RDX: variants seen among roughly 807,000 people sequenced by gnomAD.
RDX encodes the protein deafness, autosomal recessive 24.
In RDX, 32 loss-of-function variants were observed where a neutral mutation model predicts 83.7. That is an observed-to-expected ratio of 0.38 (90% CI 0.29 to 0.51). RDX has a LOEUF of 0.51. RDX is among the 20% of genes least tolerant of loss of function. The pLI, the probability that RDX is intolerant of heterozygous loss-of-function variation, is 0.87. For synonymous variants in RDX, 229 were observed against 222.7 expected (o/e 1.03, Z -0.25); for missense variants, 600 against 689.9 (o/e 0.87, Z 1.46).
At position 110,216,681 on chromosome 11, in the gene RDX, ATTTTAT is replaced by A. The variant is rs912657163; in HGVS notation, c.1748+15186_1748+15191del. 5.1e-4 allele frequency among the ~76,000 whole-genome samples: 76 copies of A among 148,906 alleles called. 1 individual carries two copies. Among genetic ancestry groups the A allele is most frequent in the African/African-American group, 1.7e-3 (70 of 40,342 alleles). ...GTGTGAGCCACCACACTGGGCCCTA[ATTTTAT>A]TTTTAATTTTTGTAGAGTTGAGATC... On this transcript the variant is annotated intron_variant, in intron 14 of 15. Coordinates refer to the RDX transcript ENST00000528498.
chr11:110,248,404 G>A (rs1039919635), intron 9 of RDX, among the ~76,000 whole-genome samples: 5 of 152,014 alleles, frequency 3.3e-5, no homozygotes, highest in South Asian at 4.2e-4. Context: ...ACTCATGTAC[G>A]TACATACATG....
chr11:110,284,044 G>A (rs1403396499), intron 1 of RDX, among the ~76,000 whole-genome samples: 1 of 152,074 alleles, frequency 6.6e-6, no homozygotes, highest in Non-Finnish European at 1.5e-5. Flanking sequence ...AACTACAAAT[G>A]TTTTACCAAT....
At chr11:110,244,927 T>A (rs1859036221) in intron 10 of RDX, among the ~76,000 whole-genome samples, 1 of 152,080 alleles carries the variant, frequency 6.6e-6, no homozygotes, top group Non-Finnish European at 1.5e-5. Flanking sequence ...AGCCTCATAC[T>A]TGAGAAATAC....
At chr11:110,220,878 TA>T (rs386374875) in intron 14 of RDX, among the ~76,000 whole-genome samples, 232 of 109,314 alleles carry the variant, frequency 2.1e-3, no homozygotes, top group Middle Eastern at 5.0e-3. Context: ...ACAGCCTCTG[TA>T]AAAAAAAAAA....
chr11:110,264,315 G>C, intron 4 of RDX, 81 bp from the exon 5 acceptor site: 1 of 925,700 alleles, frequency 1.1e-6, no homozygotes. Context: ...ATTCTTTTTG[G>C]AAGAAAATGA....
chr11:110,259,876 T>C (rs1403210261), intron 5 of RDX, among the ~76,000 whole-genome samples: 1 of 152,164 alleles, frequency 6.6e-6, no homozygotes, highest in Non-Finnish European at 1.5e-5. Context: ...GACAACTTTC[T>C]TTTATGGACT....
intron 15 of RDX, chr11:110,195,617 C>T (rs1309602353): frequency 6.6e-6 from 1 of 152,196 alleles, no homozygotes; most frequent in African/African-American, 2.4e-5. Context: ...ACAGCCCAGA[C>T]AGGAAAGAAA....
At chr11:110,264,348 T>C (rs1010535150) in intron 4 of RDX, 114 bp from the exon 5 acceptor site, 1 of 753,226 alleles carries the variant, frequency 1.3e-6, no homozygotes, top group Admixed American at 2.9e-5. Context: ...TCTAAATCTA[T>C]GAAGATTTTA....
At chr11:110,180,058 CG>C in intron 15 of RDX, 3 of 292,894 alleles carry the variant, frequency 1.0e-5, no homozygotes, top group South Asian at 9.4e-5. Flanking sequence ...GGCACCACCA[CG>C]CCTGGCTAAT....
At chr11:110,268,798 T>C (rs952517682) in intron 3 of RDX, among the ~76,000 whole-genome samples, 2 of 151,942 alleles carry the variant, frequency 1.3e-5, no homozygotes, top group Admixed American at 6.6e-5. Flanking sequence ...TATATTTTAG[T>C]GAGGCTGTCC....
chr11:110,248,913 C>A (rs1021335941), intron 9 of RDX, among the ~76,000 whole-genome samples: 19 of 152,268 alleles, frequency 1.2e-4, no homozygotes, highest in Admixed American at 1.2e-3. Flanking sequence ...TTCACAATTC[C>A]ATTAGAATGA....
At chr11:110,290,655 T>G (rs1861204095) in intron 1 of RDX, among the ~76,000 whole-genome samples, 1 of 152,226 alleles carries the variant, frequency 6.6e-6, no homozygotes, top group African/African-American at 2.4e-5. Context: ...TGTCCAAATG[T>G]ACGACTGACA....
chr11:110,237,841 A>G (rs777135200), intron 10 of RDX, 189 bp from the exon 11 acceptor site: 2 of 681,382 alleles, frequency 2.9e-6, no homozygotes, highest in Admixed American at 4.1e-5. Context: ...GAAGTGCAGA[A>G]GCTCACTGCA....
At chr11:110,274,775 T>C (rs553165721) in intron 2 of RDX, among the ~76,000 whole-genome samples, 1 of 152,354 alleles carries the variant, frequency 6.6e-6, no homozygotes, top group East Asian at 1.9e-4. Flanking sequence ...CTTTCACTGC[T>C]ATGCAACATT....
chr11:110,210,793 A>G (rs999020347), intron 14 of RDX, among the ~76,000 whole-genome samples: 2 of 152,166 alleles, frequency 1.3e-5, no homozygotes, highest in Admixed American at 1.3e-4. Context: ...AAATGCTGAG[A>G]GATTTTGTCA....
chr11:110,267,128 T>G (rs556520693), intron 3 of RDX, among the ~76,000 whole-genome samples: 1 of 152,242 alleles, frequency 6.6e-6, no homozygotes, highest in East Asian at 1.9e-4. Flanking sequence ...GGTCTTGACC[T>G]CCTGAGCTCA....
chr11:110,294,800 A>C (rs548335398), intron 1 of RDX, among the ~76,000 whole-genome samples: 12 of 152,308 alleles, frequency 7.9e-5, no homozygotes, highest in African/African-American at 2.9e-4. Context: ...GCTACTTCTG[A>C]GACTCTCCTA....
At chr11:110,276,144 T>C (rs934671424) in intron 2 of RDX, among the ~76,000 whole-genome samples, 5 of 152,186 alleles carry the variant, frequency 3.3e-5, no homozygotes, top group Non-Finnish European at 7.3e-5. Context: ...GATATTCATA[T>C]ATTTCCTATT....
intron 15 of RDX, among the ~76,000 whole-genome samples, chr11:110,181,603 C>T (rs557048654): frequency 6.6e-6 from 1 of 152,336 alleles, no homozygotes; most frequent in South Asian, 2.1e-4. Flanking sequence ...AGGGCTTGGC[C>T]AAGAATGGGG....
Sources: allele counts gnomAD v4.1 joint callset (sites outside exome capture counted in the v4.1 genomes callset), GRCh38; gene constraint gnomAD v4.1.1; transcripts MANE v1.5; gene names NCBI Gene and HGNC (gene_info 2026-07-23, HGNC 2026-07-21).